The following MAU2 variants were observed in gnomAD, a reference collection of about 807,000 sequenced individuals.
MAU2 encodes MAU2 sister chromatid cohesion factor, also known as MAU2 chromatid cohesion factor homolog.
MAU2 carries 9 observed loss-of-function variants against 89.1 expected under a neutral mutation model. That is an observed-to-expected ratio of 0.10 (90% confidence interval 0.06 to 0.18). The LOEUF (loss-of-function observed/expected upper bound fraction) is 0.18. Among genes scored for constraint, MAU2 ranks in the 10% least tolerant of loss-of-function variants. The pLI, the probability that MAU2 is intolerant of heterozygous loss-of-function variation, is 1.00. For synonymous variants in MAU2, 357 were observed against 343.4 expected (o/e 1.04, Z -0.44); for missense variants, 425 against 803.5 (o/e 0.53, Z 5.69).
chr19:19,333,077 CAA>C (rs201542665), intron 1 of MAU2, among the ~76,000 whole-genome samples: 1 of 136,970 alleles, frequency 7.3e-6, no homozygotes. Flanking sequence ...AACTCCATCT[CAA>C]AAAAAAAAAA....
In MAU2 at chr19:19,349,756, C is replaced by G. The variant is rs532879352; in HGVS notation, c.1548+320C>G. ...AGCTACTGGGGATGACGCAGCCACC[C>G]CATGCTATGTGTTGACACCTGAGGG... On this transcript the variant is annotated intron_variant, in intron 16 of 18. Coordinates refer to ENST00000262815, the MANE Select transcript of MAU2 (RefSeq NM_015329.4). Among the ~76,000 whole-genome samples the G allele has an allele frequency of 2.7e-4, 41 of 152,286 alleles. 2 individuals are homozygous for G. The highest frequency in any genetic ancestry group is 2.5e-4 in the Non-Finnish European group (17 of 68,010).
At chr19:19,355,002 C>CT (rs757317922) in intron 17 of MAU2, 24 of 439,252 alleles carry the variant, frequency 5.5e-5, no homozygotes, top group Non-Finnish European at 1.0e-4. Flanking sequence ...TGCCTGAGGG[C>CT]TGGCCATGGG....
intron 9 of MAU2, 90 bp downstream of exon 9, chr19:19,342,956 C>T: frequency 1.4e-6 from 2 of 1,395,482 alleles, no homozygotes; most frequent in South Asian, 1.2e-5. Flanking sequence ...CCCAGTGACC[C>T]TGTGTGACCG....
At chr19:19,338,782 A>G in intron 4 of MAU2, 63 bp from the exon 5 acceptor site, 2 of 1,263,614 alleles carry the variant, frequency 1.6e-6, no homozygotes, top group African/African-American at 2.9e-5. Flanking sequence ...ACAGAGCACG[A>G]AGGCAGGTAC....
intron 13 of MAU2, chr19:19,348,497 C>T (rs1472986589): frequency 5.2e-6 from 2 of 383,330 alleles, no homozygotes; most frequent in Non-Finnish European, 9.7e-6. Context: ...ATCACGCCCC[C>T]ATCAGAGCCT....
chr19:19,331,553 A>C (rs919085696), intron 1 of MAU2, among the ~76,000 whole-genome samples: 1 of 151,952 alleles, frequency 6.6e-6, no homozygotes, highest in African/African-American at 2.4e-5. Context: ...AAGGCATTCT[A>C]CATCCTTTAT....
intron 1 of MAU2, among the ~76,000 whole-genome samples, chr19:19,326,911 C>A (rs1402036084): frequency 1.3e-5 from 2 of 150,002 alleles, no homozygotes; most frequent in African/African-American, 2.4e-5. Flanking sequence ...AAAAAAGAAT[C>A]CCCATCAGAG....
At position 19,320,916 on chromosome 19, in the gene MAU2, C is replaced by T. The variant is rs1347066853; in HGVS notation, c.57C>T (p.Ala19=). The T allele has an allele frequency of 3.2e-6, 5 of 1,557,034 alleles. No individual in the cohort carries two copies. The highest frequency in any genetic ancestry group is 2.8e-5 in the African/African-American group (2 of 72,702). ...AQAAAAQAAQ[A]EAADSWYLAL... The stretch of plus-strand genomic sequence containing the variant: ...CGGCGGCGGCCCAGGCTGCGCAGGC[C>T]GAGGCGGCCGACTCGTGGTACCTGG... The change falls in exon 1 of 19, where the codon GCC becomes GCT. Residue 19 remains alanine (A), a synonymous_variant. Coordinates refer to ENST00000262815, the MANE Select transcript of MAU2 (RefSeq NM_015329.4).
chr19:19,340,522 CCAGCTACT>C (rs1369651061), intron 5 of MAU2, among the ~76,000 whole-genome samples: 1 of 151,768 alleles, frequency 6.6e-6, no homozygotes, highest in Non-Finnish European at 1.5e-5. Context: ...GCCTGTAGTC[CCAGCTACT>C]CAGGAGGCTG....
At chr19:19,325,081 C>T (rs1041342420) in intron 1 of MAU2, among the ~76,000 whole-genome samples, 1 of 152,180 alleles carries the variant, frequency 6.6e-6, no homozygotes, top group African/African-American at 2.4e-5. Flanking sequence ...TCTTGGAGAG[C>T]CAACCCAGTG....
chr19:19,320,888 A>G lies in MAU2; in HGVS notation c.29A>G (p.Gln10Arg). Residue 10 changes from glutamine to arginine, a missense_variant, in exon 1 of 19, where the codon CAG becomes CGG. Gln to Arg is a conservative substitution (Grantham distance 43). Around this residue, in one of 11 missense-constraint regions of MAU2, gnomAD observed 61 missense variants for 40.1 expected, o/e 1.52. Transcript: ENST00000262815. MAAQAAAAA[Q>R]AAAAQAAQAE... ...GCGGCTCAGGCGGCGGCAGCGGCCC[A>G]GGCGGCGGCGGCCCAGGCTGCGCAG... 2 of 1,485,066 alleles carry G rather than the reference A, an allele frequency of 1.3e-6. No individual in the cohort carries two copies. The highest frequency in any genetic ancestry group is 2.3e-4 in the Middle Eastern group (1 of 4,404). The allele number at this position is 1,485,066 out of a possible 1,614,324, so 92.0% of individuals were successfully genotyped here.
intron 10 of MAU2, 58 bp from the exon 11 acceptor site, chr19:19,344,791 C>G: frequency 6.9e-7 from 1 of 1,449,732 alleles, no homozygotes. Context: ...TCCATTGCTG[C>G]TCAGACGCCA....
At chr19:19,344,019 G>A (rs2965193) in intron 10 of MAU2, 79 bp downstream of exon 10, 756,479 of 1,209,810 alleles carry the variant, frequency 0.63, 239,775 homozygotes, top group East Asian at 0.7. Flanking sequence ...GACTGAATTC[G>A]CCAAGTGCAT....
At chr19:19,341,447 G>C in intron 7 of MAU2, 40 bp downstream of exon 7, 1 of 1,608,062 alleles carries the variant, frequency 6.2e-7, no homozygotes, top group Non-Finnish European at 8.5e-7. Context: ...GTTGTGACCA[G>C]TGGGTATGGG....
rs145179443 is a variant in MAU2, at chr19:19,326,735, T to C, written c.276+5600T>C. On this transcript the variant is annotated intron_variant, in intron 1 of 18. Transcript: ENST00000262815. Reference sequence around the variant, plus strand: ...ATATATATATACATATATATATATATACACAAAAATTAACCAGGCATGGTG... The same window carrying C: ...ATATATATATACATATATATATATACACACAAAAATTAACCAGGCATGGTG... 4.0e-3 allele frequency among the ~76,000 whole-genome samples: 531 copies of C among 134,126 alleles called. 16 individuals carry two copies. The highest frequency in any genetic ancestry group is 0.014 in the African/African-American group (507 of 36,690). 88.0% of individuals were successfully genotyped at this position (134,126 alleles called of 152,430 possible). A position where few individuals can be genotyped will look rare whatever the true frequency, so the allele number is the denominator to read the frequency against.
At chr19:19,337,414 C>T in intron 4 of MAU2, 149 bp downstream of exon 4, 1 of 644,494 alleles carries the variant, frequency 1.6e-6, no homozygotes, top group South Asian at 1.7e-5. Flanking sequence ...GGAACATTTC[C>T]TTAACCTGCA....
intron 1 of MAU2, among the ~76,000 whole-genome samples, chr19:19,333,077 CA>C (rs201542665): frequency 1.0e-3 from 143 of 136,632 alleles, no homozygotes; most frequent in Admixed American, 1.1e-3. Flanking sequence ...AACTCCATCT[CA>C]AAAAAAAAAA....
chr19:19,336,854 C>T (rs1340962331), intron 3 of MAU2, among the ~76,000 whole-genome samples: 2 of 152,202 alleles, frequency 1.3e-5, no homozygotes, highest in African/African-American at 2.4e-5. Context: ...ACCCTGATGC[C>T]TCTCTCTGGT....
chr19:19,351,157 C>T (rs1406306925), intron 16 of MAU2, among the ~76,000 whole-genome samples: 2 of 151,988 alleles, frequency 1.3e-5, no homozygotes, highest in Non-Finnish European at 2.9e-5. Context: ...TCAAGTGATC[C>T]TCCCACCTCA....
Sources: gnomAD v4.1 joint callset for allele counts (sites outside exome capture counted in the v4.1 genomes callset) on GRCh38, gnomAD v4.1.1 for gene constraint, gnomAD v4.1.1 regional missense constraint, MANE v1.5 for transcripts, NCBI Gene and HGNC (gene_info 2026-07-23, HGNC 2026-07-21) for gene names.